Variants in PRUNE2 observed in about 807,000 individuals in gnomAD.
PRUNE2 encodes the protein prune homolog 2 with BCH domain, also known as protein prune homolog 2.
Under a neutral mutation model 252.0 loss-of-function variants are expected in PRUNE2, and 164 were observed. The observed-to-expected ratio is 0.65, with a 90% CI of 0.57 to 0.74. The LOEUF (loss-of-function observed/expected upper bound fraction) is 0.74. Ranked by LOEUF, PRUNE2 falls within the 30% of genes least tolerant of loss-of-function variation. The pLI is 0.00. For synonymous variants in PRUNE2, 1,292 were observed against 1,350.2 expected (o/e 0.96, Z 0.94); for missense variants, 3,495 against 3,711.0 (o/e 0.94, Z 1.51).
At chr9:76,788,226 G>A in intron 6 of PRUNE2, 1 of 509,202 alleles carries the variant, frequency 2.0e-6, no homozygotes, top group East Asian at 3.2e-5. Flanking sequence ...TTTTACTGAA[G>A]ACATAAGAGT....
intron 6 of PRUNE2, among the ~76,000 whole-genome samples, chr9:76,806,674 ATTT>A (rs750726403): frequency 1.5e-5 from 2 of 134,794 alleles, no homozygotes; most frequent in African/African-American, 2.8e-5. Context: ...CGCCCGGCTA[ATTT>A]TTTTTTTTTT....
Position 76,839,475 on chromosome 9 carries a change from T to C in PRUNE2, c.508+7040A>G, listed in dbSNP as rs191929963. Among the ~76,000 whole-genome samples, 314 of 152,302 alleles carry C rather than the reference T, an allele frequency of 2.1e-3. 1 individual carries two copies. The highest frequency in any genetic ancestry group is 3.9e-3 in the Admixed American group (60 of 15,308). On this transcript the variant is annotated intron_variant, in intron 4 of 18. Coordinates refer to ENST00000376718, the MANE Select transcript of PRUNE2 (RefSeq NM_015225.3). The stretch of plus-strand genomic sequence containing the variant: ...TAAATCATCAAGAGTGGAAAGAGTT[T>C]GGCATATTTGAAAAGCTGAAAGGCT...
chr9:76,755,334 G>T (rs972376291), intron 6 of PRUNE2, among the ~76,000 whole-genome samples: 3 of 152,072 alleles, frequency 2.0e-5, no homozygotes, highest in Admixed American at 1.3e-4. Context: ...AAACAAATGA[G>T]TAAACGAATG....
At chr9:76,836,242 G>A (rs1398103230) in intron 4 of PRUNE2, among the ~76,000 whole-genome samples, 2 of 151,374 alleles carry the variant, frequency 1.3e-5, no homozygotes, top group East Asian at 1.9e-4. Context: ...GGACTCTGGC[G>A]GGTCTGTAAC....
chr9:76,899,199 G>A (rs772973110), intron 1 of PRUNE2, among the ~76,000 whole-genome samples: 1 of 152,154 alleles, frequency 6.6e-6, no homozygotes, highest in East Asian at 1.9e-4. Context: ...GAGAACCTAC[G>A]GTTCCAATGG....
At chr9:76,747,647 G>A (rs955245578) in intron 6 of PRUNE2, among the ~76,000 whole-genome samples, 1 of 152,106 alleles carries the variant, frequency 6.6e-6, no homozygotes, top group Non-Finnish European at 1.5e-5. Context: ...TTTTAGGGAA[G>A]AAAATCAACT....
In PRUNE2 at chr9:76,704,648, TGTA is replaced by T. The variant is rs533399197; in HGVS notation, c.7513+110_7513+112del. The T allele has an allele frequency of 1.9e-4, 138 of 741,544 alleles. No individual in the cohort carries two copies. The East Asian group carries it at 3.5e-3, about 19-fold the overall frequency. 45.9% of individuals were successfully genotyped at this position (741,544 alleles called of 1,614,324 possible). ...GACTTAGTGAGGCATGCCTTGAAAATGTAGTTAGTTTTCTCTCTACCCTCATTG... is the reference window on the plus strand; with the variant it reads ...GACTTAGTGAGGCATGCCTTGAAAATGTTAGTTTTCTCTCTACCCTCATTG... On this transcript the variant is annotated intron_variant, in intron 8 of 18. Coordinates refer to ENST00000376718, the MANE Select transcript of PRUNE2 (RefSeq NM_015225.3).
chr9:76,774,460 T>TATTTATTTATTTATTTTTTA (rs1564272674), intron 6 of PRUNE2, among the ~76,000 whole-genome samples: 2 of 138,580 alleles, frequency 1.4e-5, no homozygotes, highest in East Asian at 2.0e-4. Flanking sequence ...CTTTTTTTTT[T>TATTTATTTATTTATTTTTTA]TTTTTTTTTT....
intron 1 of PRUNE2, among the ~76,000 whole-genome samples, chr9:76,886,400 T>C (rs962348711): frequency 1.1e-4 from 17 of 152,162 alleles, no homozygotes; most frequent in South Asian, 4.1e-4. Context: ...GCTCAGCTGA[T>C]GGGATGTGAA....
intron 1 of PRUNE2, among the ~76,000 whole-genome samples, chr9:76,899,730 T>C (rs1169473885): frequency 6.6e-6 from 1 of 152,134 alleles, no homozygotes; most frequent in Non-Finnish European, 1.5e-5. Context: ...AGAGATATAA[T>C]GACAAGCGGA....
chr9:76,660,691 A>C (rs1371361711), intron 9 of PRUNE2, among the ~76,000 whole-genome samples: 1 of 151,656 alleles, frequency 6.6e-6, no homozygotes, highest in African/African-American at 2.4e-5. Context: ...CTGAGGCAGA[A>C]GAATCACCTG....
rs1159799180 is a variant in PRUNE2, at chr9:76,710,873, G to T, written c.1401C>A (p.Asp467Glu). The change falls in exon 8 of 19, where the codon GAC (aspartate) becomes GAA (glutamate). Residue 467 changes from aspartate to glutamate, a missense_variant. By Grantham distance (45) the Asp-to-Glu change is conservative. Coordinates refer to ENST00000376718, the MANE Select transcript of PRUNE2 (RefSeq NM_015225.3). ...GPHHTLLPGL[D>E]SYSPIPEGAV... ...CCCCTTCAGGGATGGGGCTGTAGGA[G>T]TCAAGCCCTGGGAGAAGGGTGTGGT... 4 of 1,543,236 alleles carry T rather than the reference G, an allele frequency of 2.6e-6. No homozygotes were observed. Among genetic ancestry groups the T allele is most frequent in the African/African-American group, 2.8e-5 (2 of 72,716 alleles).
intron 12 of PRUNE2, among the ~76,000 whole-genome samples, chr9:76,642,575 C>T (rs915689305): frequency 1.3e-5 from 2 of 152,176 alleles, no homozygotes; most frequent in African/African-American, 4.8e-5. Context: ...AGAAAACTTC[C>T]TCAGAGCAAA....
At chr9:76,670,519 G>T (rs1185158271) in intron 9 of PRUNE2, among the ~76,000 whole-genome samples, 1 of 151,852 alleles carries the variant, frequency 6.6e-6, no homozygotes, top group Admixed American at 6.6e-5. Context: ...AAACAAAGCA[G>T]CCAGGAAGCT....
At chr9:76,774,521 C>T (rs544244042) in intron 6 of PRUNE2, among the ~76,000 whole-genome samples, 44 of 144,870 alleles carry the variant, frequency 3.0e-4, no homozygotes, top group Non-Finnish European at 4.8e-4. Flanking sequence ...TGCAGTGGCA[C>T]GATCTCGGCT....
intron 6 of PRUNE2, among the ~76,000 whole-genome samples, chr9:76,747,709 A>T (rs1303122842): frequency 6.6e-6 from 1 of 152,224 alleles, no homozygotes; most frequent in Admixed American, 6.5e-5. Context: ...AGTACTGCTT[A>T]AGGATGACAA....
intron 6 of PRUNE2, among the ~76,000 whole-genome samples, chr9:76,747,280 A>T (rs1302856375): frequency 6.6e-6 from 1 of 152,204 alleles, no homozygotes; most frequent in East Asian, 1.9e-4. Flanking sequence ...CCCTCCCATT[A>T]AAAGAAAATT....
rs2134980560 is a variant in PRUNE2, at chr9:76,709,901, T to G, written c.2373A>C (p.Pro791=). 2 of 1,613,914 alleles carry G rather than the reference T, an allele frequency of 1.2e-6. No individual in the cohort carries two copies. Among genetic ancestry groups the G allele is most frequent in the East Asian group, 4.5e-5 (2 of 44,854 alleles). The part of the protein sequence containing the change: ...PWGNPTDDGE[P]AAVAPFPAWS... ...AGGCTGGGAATGGCGCCACAGCTGC[T>G]GGTTCACCATCATCTGTAGGATTTC... Residue 791 remains proline, a synonymous_variant, in exon 8 of 19, where the codon CCA becomes CCC. Transcript: ENST00000376718.
rs71354690 is a variant in PRUNE2 at position 76,872,600 on chromosome 9, A to AACACACAC, written c.37-18400_37-18393dup. Reference sequence around the variant, plus strand: ...ACAATTTTACATGATGATTATGGAAAACACACACACACACACACACACACA... The same window carrying AACACACAC: ...ACAATTTTACATGATGATTATGGAAAACACACACACACACACACACACACACACACACA... On this transcript the variant is annotated intron_variant, in intron 1 of 18. Transcript: ENST00000376718. 6.1e-3 allele frequency among the ~76,000 whole-genome samples: 853 copies of AACACACAC among 139,340 alleles called. 5 individuals are homozygous for AACACACAC. The highest frequency in any genetic ancestry group is 0.029 in the Middle Eastern group (8 of 276). 91.4% of individuals were successfully genotyped at this position (139,340 alleles called of 152,430 possible). A position where few individuals can be genotyped will look rare whatever the true frequency, so the allele number is the denominator to read the frequency against.
Sources: allele counts gnomAD v4.1 joint callset (sites outside exome capture counted in the v4.1 genomes callset), GRCh38; gene constraint gnomAD v4.1.1; transcripts MANE v1.5; gene names NCBI Gene and HGNC (gene_info 2026-07-23, HGNC 2026-07-21).